NRXN3: variants seen among roughly 807,000 people sequenced by gnomAD.
NRXN3 encodes neurexin III.
NRXN3 carries 32 observed loss-of-function variants against 137.6 expected under a neutral mutation model. That is an observed-to-expected ratio of 0.23 (90% confidence interval 0.18 to 0.31). NRXN3 has a LOEUF of 0.31. Among genes scored for constraint, NRXN3 ranks in the 10% least tolerant of loss-of-function variants. The pLI is 1.00. For missense variants in NRXN3, 1,574 were observed against 2,062.5 expected, an observed-to-expected ratio of 0.76 and a Z score of 4.59; for synonymous variants, 798 against 784.5, an observed-to-expected ratio of 1.02 and a Z score of -0.29.
intron 4 of NRXN3, among the ~76,000 whole-genome samples, chr14:78,477,719 A>G (rs2095404520): frequency 6.6e-6 from 1 of 152,214 alleles, no homozygotes; most frequent in Non-Finnish European, 1.5e-5. Context: ...AATATATCTG[A>G]AAAATCTTTC....
intron 15 of NRXN3, among the ~76,000 whole-genome samples, chr14:79,295,951 G>A (rs2084029487): frequency 6.6e-6 from 1 of 152,106 alleles, no homozygotes; most frequent in Admixed American, 6.6e-5. Flanking sequence ...GTCTTCTACT[G>A]TTTTCCAGGC....
intron 15 of NRXN3, among the ~76,000 whole-genome samples, chr14:79,337,585 G>A (rs2153351553): frequency 6.6e-6 from 1 of 152,300 alleles, no homozygotes; most frequent in South Asian, 2.1e-4. Context: ...GTGTTATAAT[G>A]GAATGATGTT....
intron 6 of NRXN3, among the ~76,000 whole-genome samples, chr14:78,708,818 G>A (rs577032172): frequency 2.9e-4 from 44 of 152,206 alleles, no homozygotes; most frequent in Non-Finnish European, 5.0e-4. Flanking sequence ...CCATTATAAC[G>A]CTGTGCCATC....
rs142881869 is a variant in NRXN3, at chr14:79,476,670, G to T, written c.3444+9268G>T. On this transcript the variant is annotated intron_variant, in intron 16 of 20. Transcript: ENST00000335750. ...ATTGATACCATTACTATCACTTTCC[G>T]CTAATATTGATTGACAAAATACCAG... Among the ~76,000 whole-genome samples the T allele has an allele frequency of 4.5e-3, 686 of 152,064 alleles. 3 individuals are homozygous for T. Among genetic ancestry groups the T allele is most frequent in the Middle Eastern group, 6.8e-3 (2 of 294 alleles).
intron 11 of NRXN3, among the ~76,000 whole-genome samples, chr14:78,962,703 C>G (rs540512384): frequency 1.3e-5 from 2 of 151,254 alleles, no homozygotes; most frequent in Non-Finnish European, 2.9e-5. Context: ...AATTCTTTTT[C>G]TTTCCTTTTT....
chr14:78,836,955 G>GT (rs1254421385), intron 10 of NRXN3, among the ~76,000 whole-genome samples: 1 of 152,130 alleles, frequency 6.6e-6, no homozygotes, highest in Non-Finnish European at 1.5e-5. Context: ...GCCACAAGGA[G>GT]TATCAGTTGC....
chr14:78,184,527 C>T (rs935245434), intron 1 of NRXN3, among the ~76,000 whole-genome samples: 2 of 152,166 alleles, frequency 1.3e-5, no homozygotes, highest in African/African-American at 4.8e-5. Context: ...TGTCTTTTTA[C>T]TCAGAAAATA....
At chr14:79,428,583 A>C (rs2095694303) in intron 15 of NRXN3, among the ~76,000 whole-genome samples, 1 of 152,144 alleles carries the variant, frequency 6.6e-6, no homozygotes, top group South Asian at 2.1e-4. Context: ...GTTTTTTCTT[A>C]CATATATTAT....
At chr14:79,150,494 G>A (rs540120636) in intron 15 of NRXN3, among the ~76,000 whole-genome samples, 1 of 151,878 alleles carries the variant, frequency 6.6e-6, no homozygotes, top group Non-Finnish European at 1.5e-5. Context: ...TTCCCAAACA[G>A]AGATCTGCAG....
At chr14:78,411,982 T>C (rs535586005) in intron 4 of NRXN3, among the ~76,000 whole-genome samples, 1 of 152,252 alleles carries the variant, frequency 6.6e-6, no homozygotes, top group Non-Finnish European at 1.5e-5. Flanking sequence ...TTAAGGAAGT[T>C]ACTTAATCTT....
chr14:78,480,969 A>G (rs981438754), intron 4 of NRXN3, among the ~76,000 whole-genome samples: 10 of 151,292 alleles, frequency 6.6e-5, no homozygotes, highest in Non-Finnish European at 1.5e-4. Flanking sequence ...CTCCTTTGTG[A>G]CCTCTTTCTG....
At chr14:79,717,669 A>G (rs1166706862) in intron 19 of NRXN3, among the ~76,000 whole-genome samples, 6 of 152,206 alleles carry the variant, frequency 3.9e-5, no homozygotes, top group Non-Finnish European at 8.8e-5. Flanking sequence ...TTAGAAGAAT[A>G]TTTAGGACAG....
chr14:78,553,883 G>A (rs1336696192), intron 4 of NRXN3, among the ~76,000 whole-genome samples: 1 of 152,222 alleles, frequency 6.6e-6, no homozygotes, highest in East Asian at 1.9e-4. Flanking sequence ...GCAATAAGGT[G>A]GAGGGGCAGG....
chr14:79,213,073 G>A (rs2067941374), intron 15 of NRXN3, among the ~76,000 whole-genome samples: 1 of 151,986 alleles, frequency 6.6e-6, no homozygotes, highest in African/African-American at 2.4e-5. Context: ...AGAAGCTGTG[G>A]TTCTGAAAAG....
chr14:79,259,438 A>G (rs1173473971), intron 15 of NRXN3, among the ~76,000 whole-genome samples: 3 of 151,672 alleles, frequency 2.0e-5, no homozygotes, highest in East Asian at 1.9e-4. Context: ...GCATTTCTCT[A>G]GTGTTTTTCT....
chr14:78,654,448 A>G (rs907282434), intron 6 of NRXN3, among the ~76,000 whole-genome samples: 1 of 152,218 alleles, frequency 6.6e-6, no homozygotes, highest in Non-Finnish European at 1.5e-5. Flanking sequence ...GCTCCAGATC[A>G]TCAATATTTC....
At chr14:78,361,302 C>T (rs1159438366) in intron 4 of NRXN3, among the ~76,000 whole-genome samples, 2 of 152,140 alleles carry the variant, frequency 1.3e-5, no homozygotes, top group Non-Finnish European at 1.5e-5. Context: ...TCAGAGTTGA[C>T]AGTCATTGAT....
intron 15 of NRXN3, among the ~76,000 whole-genome samples, chr14:79,425,457 A>G (rs1016798457): frequency 1.1e-4 from 17 of 152,156 alleles, no homozygotes; most frequent in African/African-American, 3.9e-4. Context: ...GGATATGTTT[A>G]TGTTGATAAT....
At chr14:78,409,095 C>T (rs970107324) in intron 4 of NRXN3, among the ~76,000 whole-genome samples, 6 of 152,286 alleles carry the variant, frequency 3.9e-5, no homozygotes, top group Admixed American at 1.3e-4. Context: ...TAAATACTTA[C>T]GAAGCTGGAC....
Sources: gnomAD v4.1 joint callset for allele counts (sites outside exome capture counted in the v4.1 genomes callset) on GRCh38, gnomAD v4.1.1 for gene constraint, MANE v1.5 for transcripts, NCBI Gene and HGNC (gene_info 2026-07-23, HGNC 2026-07-21) for gene names.